CACHD1: variants seen among roughly 807,000 people sequenced by gnomAD.
The protein encoded by CACHD1 is cache domain containing 1.
CACHD1 carries 71 observed loss-of-function variants against 138.7 expected under a neutral mutation model. That is an observed-to-expected ratio of 0.51 (90% CI 0.42 to 0.62). CACHD1 has a LOEUF of 0.62. Ranked by LOEUF, CACHD1 falls within the 20% of genes least tolerant of loss-of-function variation. CACHD1 has a pLI of 0.00. For synonymous variants in CACHD1, 578 were observed against 591.5 expected (o/e 0.98, Z 0.33); for missense variants, 1,389 against 1,625.3 (o/e 0.85, Z 2.50).
intron 19 of CACHD1, among the ~76,000 whole-genome samples, chr1:64,673,882 A>C (rs942880657): frequency 1.3e-5 from 2 of 152,194 alleles, no homozygotes; most frequent in Admixed American, 1.3e-4. Context: ...TTGCTCTATG[A>C]GATGGGAACT....
At chr1:64,597,209 A>G (rs1270120420) in intron 3 of CACHD1, among the ~76,000 whole-genome samples, 1 of 152,120 alleles carries the variant, frequency 6.6e-6, no homozygotes, top group Non-Finnish European at 1.5e-5. Flanking sequence ...TCACTTGAAC[A>G]CTGTTTTGAT....
intron 2 of CACHD1, among the ~76,000 whole-genome samples, chr1:64,559,690 G>A (rs1646824563): frequency 6.6e-6 from 1 of 152,058 alleles, no homozygotes; most frequent in East Asian, 1.9e-4. Flanking sequence ...AAACAAGTTT[G>A]GAAGTATTCC....
At chr1:64,537,534 C>G (rs561544348) in intron 1 of CACHD1, among the ~76,000 whole-genome samples, 1 of 152,232 alleles carries the variant, frequency 6.6e-6, no homozygotes, top group East Asian at 1.9e-4. Context: ...TATAAAGGCA[C>G]CGGGAGCTAC....
intron 3 of CACHD1, among the ~76,000 whole-genome samples, chr1:64,601,978 T>C (rs952944771): frequency 3.3e-5 from 5 of 152,226 alleles, no homozygotes; most frequent in South Asian, 2.1e-4. Context: ...AAATACTCTT[T>C]ATGACTATAT....
At chr1:64,495,801 T>C (rs1349900900) in intron 1 of CACHD1, among the ~76,000 whole-genome samples, 2 of 152,162 alleles carry the variant, frequency 1.3e-5, no homozygotes, top group Non-Finnish European at 2.9e-5. Flanking sequence ...TTTTTTCTTC[T>C]TTTTCTTCAA....
chr1:64,541,515 A>G (rs2100428696), intron 1 of CACHD1, among the ~76,000 whole-genome samples: 1 of 152,286 alleles, frequency 6.6e-6, no homozygotes, highest in South Asian at 2.1e-4. Flanking sequence ...GTTGTTAACA[A>G]TGAGGTGTGG....
chr1:64,575,294 C>T (rs924603784), intron 2 of CACHD1, among the ~76,000 whole-genome samples: 1 of 152,126 alleles, frequency 6.6e-6, no homozygotes, highest in Non-Finnish European at 1.5e-5. Flanking sequence ...TCTGTCTGAA[C>T]CATTATGACT....
chr1:64,620,781 T>C (rs1233060616), intron 4 of CACHD1, among the ~76,000 whole-genome samples: 2 of 152,208 alleles, frequency 1.3e-5, no homozygotes, highest in Non-Finnish European at 2.9e-5. Context: ...TTGGAAACTA[T>C]TTTTATAATA....
At chr1:64,616,200 A>G (rs78694174) in intron 4 of CACHD1, among the ~76,000 whole-genome samples, 3 of 152,280 alleles carry the variant, frequency 2.0e-5, no homozygotes, top group East Asian at 1.9e-4. Flanking sequence ...CTGTATGTCA[A>G]TTAACAGCAG....
intron 1 of CACHD1, among the ~76,000 whole-genome samples, chr1:64,490,942 C>T (rs1179583240): frequency 1.3e-5 from 2 of 152,098 alleles, no homozygotes; most frequent in Non-Finnish European, 2.9e-5. Flanking sequence ...CTTTAATTTT[C>T]AGAAAACCCC....
chr1:64,579,974 G>A (rs1646998940), intron 2 of CACHD1: 2 of 152,764 alleles, frequency 1.3e-5, no homozygotes, highest in African/African-American at 2.4e-5. Flanking sequence ...CTTATGCAGG[G>A]CATTATGAGA....
chr1:64,549,774 G>A (rs926260201), intron 1 of CACHD1, among the ~76,000 whole-genome samples: 1 of 151,308 alleles, frequency 6.6e-6, no homozygotes, highest in Non-Finnish European at 1.5e-5. Flanking sequence ...GAAGATAAAT[G>A]ATAAGGCTGC....
chr1:64,629,391 A>G lies in CACHD1; in HGVS notation c.554A>G (p.Lys185Arg), dbSNP rs1218204691. The G allele has an allele frequency of 6.8e-6, 11 of 1,614,096 alleles. No individual in the cohort carries two copies. Among genetic ancestry groups the G allele is most frequent in the Non-Finnish European group, 7.6e-6 (9 of 1,179,962 alleles). The change falls in exon 5 of 27, where the codon AAG becomes AGG. Residue 185 changes from lysine to arginine, a missense_variant. Around this residue, in one of 5 missense-constraint regions of CACHD1, gnomAD observed 1,000 missense variants for 1,114.7 expected, o/e 0.90. Coordinates refer to ENST00000651257, the MANE Select transcript of CACHD1 (RefSeq NM_020925.4). ...ADNLKSNPGI[K>R]WQYFSSEEGI... ...AACCTGAAATCCAACCCTGGAATTAAGTGGCAATATTTCAGTTCAGAAGAA... is the reference window on the plus strand; with the variant it reads ...AACCTGAAATCCAACCCTGGAATTAGGTGGCAATATTTCAGTTCAGAAGAA...
chr1:64,585,597 G>A (rs1209758859), intron 3 of CACHD1, among the ~76,000 whole-genome samples: 1 of 152,182 alleles, frequency 6.6e-6, no homozygotes, highest in Non-Finnish European at 1.5e-5. Context: ...GAACTGCTTG[G>A]GGTGGATATT....
At chr1:64,611,447 T>C (rs1438554029) in intron 4 of CACHD1, among the ~76,000 whole-genome samples, 1 of 152,252 alleles carries the variant, frequency 6.6e-6, no homozygotes, top group Non-Finnish European at 1.5e-5. Context: ...ATGCATACAG[T>C]TTTAGAAACA....
Position 64,499,627 on chromosome 1 carries a change from T to G in CACHD1, c.198+28685T>G, listed in dbSNP as rs958140743. On this transcript the variant is annotated intron_variant, in intron 1 of 26. Transcript: ENST00000651257. The stretch of plus-strand genomic sequence containing the variant: ...AATCTATCATTTCTTTCCATTACAT[T>G]GCAGACAACAGAGCCTAACAGTATT... Among the ~76,000 whole-genome samples, 3 of 152,244 alleles carry G rather than the reference T, an allele frequency of 2.0e-5. No homozygotes were observed. In the South Asian group the frequency reaches 6.2e-4, roughly 31 times the overall value.
chr1:64,543,177 CT>C (rs1226995681), intron 1 of CACHD1, among the ~76,000 whole-genome samples: 4 of 151,362 alleles, frequency 2.6e-5, no homozygotes, highest in Non-Finnish European at 4.4e-5. Context: ...TTCTATTTTT[CT>C]TTTTAGTGGT....
chr1:64,533,212 C>T (rs748365769), intron 1 of CACHD1, among the ~76,000 whole-genome samples: 6 of 152,216 alleles, frequency 3.9e-5, no homozygotes, highest in South Asian at 2.1e-4. Context: ...AGAAATTAGC[C>T]GGGCGTGGTG....
At chr1:64,568,441 G>A (rs550983858) in intron 2 of CACHD1, among the ~76,000 whole-genome samples, 1 of 152,180 alleles carries the variant, frequency 6.6e-6, no homozygotes, top group Non-Finnish European at 1.5e-5. Context: ...CCCATATGAA[G>A]CCTGGACAAT....
Sources: allele counts gnomAD v4.1 joint callset (sites outside exome capture counted in the v4.1 genomes callset), GRCh38; gene constraint gnomAD v4.1.1; regional missense constraint gnomAD v4.1.1; transcripts MANE v1.5; gene names NCBI Gene and HGNC (gene_info 2026-07-23, HGNC 2026-07-21).